Variants in PLXNA3 observed in about 807,000 individuals in gnomAD.
The protein encoded by PLXNA3 is plexin A3, also known as plexin-A3.
Under a neutral mutation model 118.8 loss-of-function variants are expected in PLXNA3, and 52 were observed. The observed-to-expected ratio is 0.44, with a 90% CI of 0.35 to 0.55. The LOEUF is 0.55. Among genes scored for constraint, PLXNA3 ranks in the 20% least tolerant of loss-of-function variants. The pLI is 0.01. For synonymous variants in PLXNA3, 925 were observed against 762.4 expected, an observed-to-expected ratio of 1.21 and a Z score of -3.51; for missense variants, 1,660 against 1,730.8, an observed-to-expected ratio of 0.96 and a Z score of 0.73.
chrX:154,467,202 G>A (rs370455361), intron 18 of PLXNA3, 30 bp from the exon 19 acceptor site: 132 of 1,206,693 alleles, frequency 1.1e-4, no homozygotes, highest in Non-Finnish European at 1.4e-4. Context: ...ATGGCTTCAC[G>A]TGCCTGGCTG....
intron 17 of PLXNA3, 22 bp from the exon 18 acceptor site, chrX:154,467,035 G>A: frequency 8.5e-7 from 1 of 1,181,763 alleles, no homozygotes; most frequent in African/African-American, 1.7e-5. Context: ...GAGGGAGCCT[G>A]AGGCCCCTGC....
At position 154,467,884 on chromosome X, in the gene PLXNA3, A is replaced by G. The variant is rs782131927; in HGVS notation, c.3703A>G (p.Ile1235Val). Residue 1235 changes from isoleucine to valine, a missense_variant, in exon 21 of 33, where the codon ATC (isoleucine) becomes GTC (valine). Physicochemically the swap from Ile to Val is conservative, Grantham distance 29. Around this residue, in one of 2 missense-constraint regions of PLXNA3, gnomAD observed 869 missense variants for 1,078.7 expected, o/e 0.81. Transcript: ENST00000369682. ...AAGGGLLLLA[I>V]TAVLVAYKRK... The stretch of plus-strand genomic sequence containing the variant: ...GGGGGGTGGGCTCCTGCTGCTGGCC[A>G]TCACAGCCGTGCTGGTGGCCTACAA... 4 of 1,207,654 alleles carry G rather than the reference A, an allele frequency of 3.3e-6. No individual in the cohort carries two copies. Among genetic ancestry groups the G allele is most frequent in the African/African-American group, 3.5e-5 (2 of 57,146 alleles).
At chrX:154,463,712 C>T (rs782556910) in intron 6 of PLXNA3, 22 bp downstream of exon 6, 12 of 1,143,592 alleles carry the variant, frequency 1.0e-5, no homozygotes, top group African/African-American at 5.3e-5. Context: ...GACCCCTGCT[C>T]GGGGAGTTGG....
In PLXNA3 at chrX:154,461,248, G is replaced by A. The variant is rs142692328; in HGVS notation, c.744G>A (p.Thr248=). 2.1e-3 allele frequency: 2,523 copies of A among 1,211,720 alleles called. 47 individuals are homozygous for A. In the Admixed American group the frequency reaches 0.05, roughly 24 times the overall value. ...CGCTGCAGCTGGACACCCAGCAGAC[G>A]CTGTTGGACACAGCGGGCGAGAAAT... is the stretch of plus-strand genomic sequence containing the variant. ...FLTLQLDTQQ[T]LLDTAGEKFF... is the part of the protein sequence containing the mutation. Residue 248 remains threonine, a synonymous_variant, in exon 3 of 33, where the codon ACG becomes ACA. Transcript: ENST00000369682.
In PLXNA3 at chrX:154,469,990, C is replaced by T. The variant is rs781789287; in HGVS notation, c.4809C>T (p.Arg1603=). Reference sequence around the variant, plus strand: ...TCTCTGCTCCAGAGAGCTTGCTCCGCACGGCCAGCAGCCCTGATAGCCTCC... The same window carrying T: ...TCTCTGCTCCAGAGAGCTTGCTCCGTACGGCCAGCAGCCCTGATAGCCTCC... ...RSLSRYESLL[R]TASSPDSLRS... The change falls in exon 29 of 33, where the codon CGC becomes CGT. Residue 1603 remains arginine (R), a synonymous_variant. Transcript: ENST00000369682. 32 of 1,209,804 alleles carry T rather than the reference C, an allele frequency of 2.6e-5. 1 individual carries two copies. In the South Asian group the frequency reaches 5.6e-4, roughly 21 times the overall value.
rs1443419654 is a variant in PLXNA3, at chrX:154,464,691, A to T, written c.1929-63A>T. 3 of 810,936 alleles carry T rather than the reference A, an allele frequency of 3.7e-6. No individual in the cohort carries two copies. The African/African-American group carries it at 6.2e-5, about 17-fold the overall frequency. 66.8% of individuals were successfully genotyped at this position (810,936 alleles called of 1,213,427 possible). On this transcript the variant is annotated intron_variant, in intron 9 of 32. Transcript: ENST00000369682. ...CTTCCTTCAGTTCCCGATGTGTCCT[A>T]TTGGGGAGCAGTGAGGGGCAGTGCA...
chrX:154,459,553 G>C (rs1471231692), intron 1 of PLXNA3, among the ~76,000 whole-genome samples: 2 of 112,578 alleles, frequency 1.8e-5, no homozygotes, highest in Non-Finnish European at 3.8e-5. Flanking sequence ...CTGAGGGGCA[G>C]GCGCGACTTG....
intron 11 of PLXNA3, 53 bp downstream of exon 11, chrX:154,465,271 G>T (rs781898991): frequency 8.2e-6 from 9 of 1,099,987 alleles, no homozygotes; most frequent in Non-Finnish European, 1.1e-5. Flanking sequence ...GCGTGGTGTG[G>T]ATCGTTCTTG....
Position 154,461,650 on chromosome X carries a change from A to C in PLXNA3, c.1134+12A>C, listed in dbSNP as rs782305358. ...CCTGCATCAACACCGTGAGCCCCTC[A>C]TCACCCCACACTGGTCCTCTGCCCT... is the stretch of plus-strand genomic sequence containing the variant. On this transcript the variant is annotated intron_variant, in intron 3 of 32. Coordinates refer to ENST00000369682, the MANE Select transcript of PLXNA3 (RefSeq NM_017514.5). 8 of 1,173,148 alleles carry C rather than the reference A, an allele frequency of 6.8e-6. No individual in the cohort carries two copies. Among genetic ancestry groups the C allele is most frequent in the Non-Finnish European group, 6.8e-6 (6 of 877,542 alleles).
At position 154,460,223 on chromosome X, in the gene PLXNA3, G is replaced by A. The variant is rs782271984; in HGVS notation, c.40G>A (p.Val14Met). ...VCLLLLLFLA[V>M]GGALGNRPFR... ...CCTCCTCCTGCTGCTCTTCCTTGCC[G>A]TGGGGGGGGCCCTGGGCAACAGGCC... Residue 14 changes from valine (V) to methionine (M), a missense_variant, in exon 2 of 33, where the codon GTG becomes ATG. Val to Met is a conservative substitution (Grantham distance 21). This residue lies in a region of PLXNA3 where 791 missense variants were observed against 652.1 expected (regional missense o/e 1.21). Transcript: ENST00000369682. The A allele has an allele frequency of 8.3e-6, 10 of 1,207,400 alleles. No individual in the cohort carries two copies. In the East Asian group the frequency reaches 8.9e-5, roughly 11 times the overall value.
chrX:154,461,185 C>G lies in PLXNA3; in HGVS notation c.681C>G (p.Ile227Met). The G allele has an allele frequency of 1.7e-6, 2 of 1,211,759 alleles. No homozygotes were observed. The highest frequency in any genetic ancestry group is 4.6e-4 in the Middle Eastern group (2 of 4,352). The change falls in exon 3 of 33, where the codon ATC becomes ATG. Residue 227 changes from isoleucine (I) to methionine (M), a missense_variant. Physicochemically the swap from Ile to Met is conservative, Grantham distance 10 (BLOSUM62 1). Transcript: ENST00000369682. ...ACCCTGCCTTTGACATCTACTACATCTACGGCTTCGTCAGCGCCTCCTTCG... is the reference window on the plus strand; with the variant it reads ...ACCCTGCCTTTGACATCTACTACATGTACGGCTTCGTCAGCGCCTCCTTCG... ...SLYPAFDIYY[I>M]YGFVSASFVY...
Position 154,472,634 on chromosome X carries a change from G to A in PLXNA3, c.5565G>A (p.Lys1855=), listed in dbSNP as rs1040005687. 1.2e-5 allele frequency: 15 copies of A among 1,207,908 alleles called. No homozygotes were observed. Among genetic ancestry groups the A allele is most frequent in the East Asian group, 3.0e-5 (1 of 33,740 alleles). The part of the protein sequence containing the change: ...LDRDASCRKH[K]LRQKLEQIIS... Reference sequence around the variant, plus strand: ...GAGATGCCTCTTGTCGGAAGCATAAGTTGCGGCAGAAACTGGAACAGATCA... The same window carrying A: ...GAGATGCCTCTTGTCGGAAGCATAAATTGCGGCAGAAACTGGAACAGATCA... The change falls in exon 33 of 33, where the codon AAG becomes AAA. Residue 1855 remains lysine (K), a synonymous_variant. Transcript: ENST00000369682.
Position 154,466,774 on chromosome X carries a change from C to A in PLXNA3, c.3088C>A (p.Pro1030Thr). Residue 1030 changes from proline to threonine, a missense_variant, in exon 17 of 33, where the codon CCC (proline) becomes ACC (threonine). Physicochemically the swap from Pro to Thr is conservative, Grantham distance 38 (BLOSUM62 -1). Coordinates refer to ENST00000369682, the MANE Select transcript of PLXNA3 (RefSeq NM_017514.5). ...GGACCCCACCGTCACCCGCCTTGAGCCCACCTGGAGCATCATCAAGTAAGA... is the reference window on the plus strand; with the variant it reads ...GGACCCCACCGTCACCCGCCTTGAGACCACCTGGAGCATCATCAAGTAAGA... ...TQDPTVTRLE[P>T]TWSIINGSTA... is the part of the protein sequence containing the mutation. The A allele has an allele frequency of 8.4e-7, 1 of 1,186,792 alleles. No homozygotes were observed. The highest frequency in any genetic ancestry group is 1.1e-6 in the Non-Finnish European group (1 of 882,641).
chrX:154,460,435 C>G lies in PLXNA3; in HGVS notation c.252C>G (p.Arg84=), dbSNP rs146167713. ...GCTGCTACCCGCCCCCCAGCATGCG[C>G]GTGTGTGCCCACCGCCTGGCCCCCG... ...NARCYPPPSM[R]VCAHRLAPVD... Residue 84 remains arginine, a synonymous_variant, in exon 2 of 33, where the codon CGC becomes CGG. Transcript: ENST00000369682. 17 of 1,201,527 alleles carry G rather than the reference C, an allele frequency of 1.4e-5. No homozygotes were observed. Among genetic ancestry groups the G allele is most frequent in the Admixed American group, 2.2e-5 (1 of 45,535 alleles).
At position 154,462,460 on chromosome X, in the gene PLXNA3, G is replaced by T. The variant is rs946684390; in HGVS notation, c.1317+150G>T. ...AGATTTCCCTGGCTGGGTCCCAGGC[G>T]CCTGGCCCTGCTCCTCGGGTCGCCC... On this transcript the variant is annotated intron_variant, in intron 4 of 32. Transcript: ENST00000369682. The T allele has an allele frequency of 9.3e-6, 4 of 429,044 alleles. No homozygotes were observed. The Admixed American group carries it at 2.3e-4, about 24-fold the overall frequency. The allele number at this position is 429,044 out of a possible 1,213,427, so 35.4% of individuals were successfully genotyped here.
At position 154,465,356 on chromosome X, in the gene PLXNA3, G is replaced by A. The variant is rs1557206612; in HGVS notation, c.2245-68G>A. 3.8e-6 allele frequency: 4 copies of A among 1,054,332 alleles called. No individual in the cohort carries two copies. In the African/African-American group the frequency reaches 5.6e-5, roughly 15 times the overall value. The allele number at this position is 1,054,332 out of a possible 1,213,427, so 86.9% of individuals were successfully genotyped here. A position where few individuals can be genotyped will look rare whatever the true frequency, so the allele number is the denominator to read the frequency against. Reference sequence around the variant, plus strand: ...TTCCTGTACCTGGAGGAGGGGGGCAGCTGGCAAAAATCTTGGGTAGGGGTT... The same window carrying A: ...TTCCTGTACCTGGAGGAGGGGGGCAACTGGCAAAAATCTTGGGTAGGGGTT... On this transcript the variant is annotated intron_variant, in intron 11 of 32. Transcript: ENST00000369682.
rs2069119862 is a variant in PLXNA3 at position 154,468,005 on chromosome X, C to A, written c.3820+4C>A. 4.2e-6 allele frequency: 5 copies of A among 1,203,011 alleles called. No individual in the cohort carries two copies. The highest frequency in any genetic ancestry group is 5.6e-6 in the Non-Finnish European group (5 of 888,473). On this transcript the variant is annotated splice_donor_region_variant and intron_variant, in intron 21 of 32. Transcript: ENST00000369682. ...GTGGCCCTGGAGTGCAAGGAAGGTG[C>A]CTGAGGCGGGGCGGGATGTGGTGTG... is the stretch of plus-strand genomic sequence containing the variant.
At chrX:154,465,326 A>G in intron 11 of PLXNA3, 98 bp from the exon 12 acceptor site, 1 of 1,039,039 alleles carries the variant, frequency 9.6e-7, no homozygotes, top group Non-Finnish European at 1.3e-6. Context: ...GTCTCCTGCT[A>G]GGGATTCCTG....
rs782195044 is a variant in PLXNA3 at position 154,468,079 on chromosome X, C to A, written c.3821-3C>A. On this transcript the variant is annotated splice_region_variant and splice_polypyrimidine_tract_variant and intron_variant, in intron 21 of 32. Transcript: ENST00000369682. Reference sequence around the variant, plus strand: ...CCACTCATTCCCTCTCTCCACCCCCCAGCTTTTGCAGAGCTGCAGACGGAC... The same window carrying A: ...CCACTCATTCCCTCTCTCCACCCCCAAGCTTTTGCAGAGCTGCAGACGGAC... 2 of 1,191,672 alleles carry A rather than the reference C, an allele frequency of 1.7e-6. No homozygotes were observed. The highest frequency in any genetic ancestry group is 1.9e-5 in the South Asian group (1 of 53,682).
Sources: gnomAD v4.1 joint callset for allele counts (sites outside exome capture counted in the v4.1 genomes callset) on GRCh38, gnomAD v4.1.1 for gene constraint, gnomAD v4.1.1 regional missense constraint, MANE v1.5 for transcripts, NCBI Gene and HGNC (gene_info 2026-07-23, HGNC 2026-07-21) for gene names.